The following RANBP17 variants were observed in gnomAD, a reference collection of about 807,000 sequenced individuals.
RANBP17 encodes ran-binding protein 17.
Under a neutral mutation model 141.2 loss-of-function variants are expected in RANBP17, and 158 were observed. The observed-to-expected ratio is 1.12, with a 90% CI of 0.98 to 1.28. The LOEUF is 1.28. Ranked by LOEUF, RANBP17 falls within the 50% of genes most tolerant of loss-of-function variation. The probability of loss-of-function intolerance (pLI) is 0.00; values close to 1 mark genes in which losing one functional copy is unlikely to be tolerated. For missense variants in RANBP17, 1,438 were observed against 1,290.7 expected (o/e 1.11, Z -1.75); for synonymous variants, 430 against 450.0 (o/e 0.96, Z 0.56).
At chr5:171,021,782 A>C (rs879130039) in intron 14 of RANBP17, among the ~76,000 whole-genome samples, 5 of 152,142 alleles carry the variant, frequency 3.3e-5, no homozygotes, top group African/African-American at 1.2e-4. Context: ...CAATTCATCC[A>C]TGTCATCCTT....
intron 12 of RANBP17, among the ~76,000 whole-genome samples, chr5:170,945,820 A>T (rs1774702175): frequency 6.6e-6 from 1 of 152,136 alleles, no homozygotes; most frequent in African/African-American, 2.4e-5. Flanking sequence ...TTTGGGAATC[A>T]AAAAAAGTGT....
At chr5:171,063,561 T>C (rs1784069777) in intron 14 of RANBP17, among the ~76,000 whole-genome samples, 1 of 152,194 alleles carries the variant, frequency 6.6e-6, no homozygotes, top group Non-Finnish European at 1.5e-5. Context: ...GAGGTGTCAG[T>C]CTGCCCCTAC....
chr5:171,021,830 T>C (rs1179901186), intron 14 of RANBP17, among the ~76,000 whole-genome samples: 1 of 152,222 alleles, frequency 6.6e-6, no homozygotes, highest in Non-Finnish European at 1.5e-5. Flanking sequence ...GATGTTGCGA[T>C]AATTTGGAGA....
intron 14 of RANBP17, among the ~76,000 whole-genome samples, chr5:171,169,694 G>T (rs1759961763): frequency 2.0e-5 from 2 of 97,596 alleles, no homozygotes; most frequent in South Asian, 1.1e-3. Flanking sequence ...TTTTATAACT[G>T]CCTTAAATAA....
At chr5:171,097,315 ACT>A (rs1459611992) in intron 14 of RANBP17, among the ~76,000 whole-genome samples, 15 of 152,274 alleles carry the variant, frequency 9.9e-5, no homozygotes, top group South Asian at 4.1e-4. Context: ...AATAGTGGTC[ACT>A]GAGTGCTTCT....
chr5:170,971,447 AT>A (rs1776981682), intron 14 of RANBP17, among the ~76,000 whole-genome samples: 1 of 152,182 alleles, frequency 6.6e-6, no homozygotes, highest in Non-Finnish European at 1.5e-5. Context: ...GGGTTAACCA[AT>A]GTGTTTAAGT....
At chr5:170,916,823 C>A (rs550896933) in intron 9 of RANBP17, among the ~76,000 whole-genome samples, 12 of 150,448 alleles carry the variant, frequency 8.0e-5, no homozygotes, top group Non-Finnish European at 1.6e-4. Context: ...TCGAGTGATT[C>A]TTCTGCCTCA....
At chr5:171,235,443 C>CCTTGTCTT (rs1251599063) in intron 22 of RANBP17, among the ~76,000 whole-genome samples, 1 of 151,480 alleles carries the variant, frequency 6.6e-6, no homozygotes, top group Non-Finnish European at 1.5e-5. Flanking sequence ...ATTGTTGGTG[C>CCTTGTCTT]CTTGTCTTTA....
At chr5:170,902,021 G>A (rs1435160979) in intron 5 of RANBP17, among the ~76,000 whole-genome samples, 1 of 152,132 alleles carries the variant, frequency 6.6e-6, no homozygotes, top group South Asian at 2.1e-4. Context: ...TTCTCTAGGA[G>A]TATCTTTGTG....
At chr5:170,904,945 G>A (rs1018279185) in intron 5 of RANBP17, among the ~76,000 whole-genome samples, 1 of 152,170 alleles carries the variant, frequency 6.6e-6, no homozygotes, top group South Asian at 2.1e-4. Context: ...CGTTAAGGAG[G>A]TTTTGTTTCT....
At chr5:171,000,300 C>T (rs894339944) in intron 14 of RANBP17, among the ~76,000 whole-genome samples, 3 of 152,120 alleles carry the variant, frequency 2.0e-5, no homozygotes, top group Admixed American at 6.6e-5. Flanking sequence ...TGAGGAACCT[C>T]CATGCTCTTT....
At chr5:171,143,631 C>T (rs1254192553) in intron 14 of RANBP17, among the ~76,000 whole-genome samples, 4 of 152,098 alleles carry the variant, frequency 2.6e-5, no homozygotes, top group East Asian at 1.9e-4. Flanking sequence ...TTATTCATTT[C>T]TTCGGTAAAC....
intron 21 of RANBP17, among the ~76,000 whole-genome samples, chr5:171,214,977 A>C (rs574109942): frequency 4.7e-4 from 72 of 152,084 alleles, no homozygotes; most frequent in Admixed American, 2.5e-3. Flanking sequence ...GGTTTGCTGC[A>C]CCTATCAACC....
intron 1 of RANBP17, among the ~76,000 whole-genome samples, chr5:170,869,685 C>A (rs987254558): frequency 6.6e-6 from 1 of 152,120 alleles, no homozygotes; most frequent in Admixed American, 6.6e-5. Flanking sequence ...TCCCTCCTTT[C>A]TCTTATAGGA....
intron 2 of RANBP17, among the ~76,000 whole-genome samples, chr5:170,880,267 A>G (rs1768547192): frequency 6.6e-6 from 1 of 152,234 alleles, no homozygotes; most frequent in East Asian, 1.9e-4. Context: ...TGAGCATTAT[A>G]AGAAACATCT....
At position 170,993,177 on chromosome 5, in the gene RANBP17, A is replaced by T. The variant is rs191063745; in HGVS notation, c.1710+24800A>T. The stretch of plus-strand genomic sequence containing the variant: ...CATTATATGTTAAACATTGTGCTAA[A>T]ATACTCTAGGGGAAGTTATAAGTCA... On this transcript the variant is annotated intron_variant, in intron 14 of 27. Transcript: ENST00000523189. 3.9e-5 allele frequency among the ~76,000 whole-genome samples: 6 copies of T among 152,138 alleles called. No individual in the cohort carries two copies. The East Asian group carries it at 1.2e-3, about 29-fold the overall frequency.
intron 14 of RANBP17, among the ~76,000 whole-genome samples, chr5:170,986,611 AATTTTTTAAAAG>A (rs1032658329): frequency 2.0e-5 from 3 of 151,910 alleles, no homozygotes; most frequent in Admixed American, 6.6e-5. Flanking sequence ...CAAATCTAGA[AATTTTTTAAAAG>A]ATAAGTTCTC....
intron 14 of RANBP17, among the ~76,000 whole-genome samples, chr5:171,124,472 A>C (rs1229829041): frequency 6.6e-6 from 1 of 152,180 alleles, no homozygotes; most frequent in African/African-American, 2.4e-5. Context: ...AATCTTGCAA[A>C]ATATATAGTC....
At chr5:170,881,712 A>G in intron 2 of RANBP17, 94 bp from the exon 3 acceptor site, 1 of 877,426 alleles carries the variant, frequency 1.1e-6, no homozygotes. Flanking sequence ...GGAAAACCGG[A>G]AGAATTTCTG....
Sources: allele counts gnomAD v4.1 joint callset (sites outside exome capture counted in the v4.1 genomes callset), GRCh38; gene constraint gnomAD v4.1.1; transcripts MANE v1.5; gene names NCBI Gene and HGNC (gene_info 2026-07-23, HGNC 2026-07-21).